SMAD6: variants seen among roughly 807,000 people sequenced by gnomAD.
SMAD6 encodes the protein SMAD family member 6, also known as MAD homolog 6.
A neutral mutation model predicts 39.4 loss-of-function variants in SMAD6; 103 were observed. The ratio of observed to expected loss-of-function variants is 2.62; its 90% confidence interval spans 2.23 to 3.08. The LOEUF (loss-of-function observed/expected upper bound fraction) is 3.08. Among genes scored for constraint, SMAD6 ranks in the 30% most tolerant of loss-of-function variants. SMAD6 has a pLI of 0.00. For missense variants in SMAD6, 1,104 were observed against 742.9 expected, an observed-to-expected ratio of 1.49 and a Z score of -5.65; for synonymous variants, 445 against 353.3, an observed-to-expected ratio of 1.26 and a Z score of -2.91.
intron 1 of SMAD6, chr15:66,705,316 A>G (rs1229431053): frequency 6.8e-6 from 1 of 147,932 alleles, no homozygotes; most frequent in Non-Finnish European, 1.5e-5. Flanking sequence ...ATTCCTGCAT[A>G]GAGGGCATTG....
intron 3 of SMAD6, among the ~76,000 whole-genome samples, chr15:66,743,519 C>T (rs542509861): frequency 7.9e-5 from 12 of 151,982 alleles, no homozygotes; most frequent in Non-Finnish European, 1.3e-4. Flanking sequence ...CTTGTTCATC[C>T]AGCCAGTTAG....
chr15:66,703,806 T>C lies in SMAD6; in HGVS notation c.548T>C (p.Leu183Pro), dbSNP rs1478455479. ...GTCACGTACTCGCTGCTGAAGCGGC[T>C]CAAGGAGCGCTCGCTGGACACGCTG... The part of the protein sequence containing the change: ...KTVTYSLLKR[L>P]KERSLDTLLE... Residue 183 changes from leucine (L) to proline (P), a missense_variant, in exon 1 of 4, where the codon CTC (leucine) becomes CCC (proline). Transcript: ENST00000288840. 7 of 1,434,492 alleles carry C rather than the reference T, an allele frequency of 4.9e-6. No homozygotes were observed. Among genetic ancestry groups the C allele is most frequent in the Non-Finnish European group, 6.5e-6 (7 of 1,083,228 alleles). The allele number at this position is 1,434,492 out of a possible 1,614,324, so 88.9% of individuals were successfully genotyped here. A position where few individuals can be genotyped will look rare whatever the true frequency, so the allele number is the denominator to read the frequency against.
intron 3 of SMAD6, among the ~76,000 whole-genome samples, chr15:66,759,524 C>T (rs573597095): frequency 7.9e-5 from 12 of 152,342 alleles, no homozygotes; most frequent in African/African-American, 2.6e-4. Context: ...GCACTTAGGT[C>T]AGTTCCATAT....
intron 3 of SMAD6, among the ~76,000 whole-genome samples, chr15:66,771,984 C>A (rs191813281): frequency 3.3e-5 from 5 of 152,060 alleles, no homozygotes; most frequent in Admixed American, 2.0e-4. Context: ...AAAAGCCCAC[C>A]GCCCTCCTAG....
At chr15:66,770,127 C>G (rs947819370) in intron 3 of SMAD6, among the ~76,000 whole-genome samples, 3 of 152,160 alleles carry the variant, frequency 2.0e-5, no homozygotes, top group Non-Finnish European at 2.9e-5. Flanking sequence ...TGCGCCCGGC[C>G]GAGAAGGGCT....
At chr15:66,735,088 C>T (rs1201856366) in intron 3 of SMAD6, among the ~76,000 whole-genome samples, 1 of 152,206 alleles carries the variant, frequency 6.6e-6, no homozygotes, top group African/African-American at 2.4e-5. Flanking sequence ...TTTTAGGATA[C>T]AGAGAAACTC....
At chr15:66,729,616 T>G (rs1893588292) in intron 3 of SMAD6, among the ~76,000 whole-genome samples, 1 of 152,160 alleles carries the variant, frequency 6.6e-6, no homozygotes, top group Non-Finnish European at 1.5e-5. Context: ...GCCGGGCCCC[T>G]CTGACAGCGT....
chr15:66,732,498 G>C (rs1167153706), intron 3 of SMAD6, among the ~76,000 whole-genome samples: 2 of 152,184 alleles, frequency 1.3e-5, no homozygotes, highest in Middle Eastern at 3.4e-3. Context: ...CTACAGCTGT[G>C]TCCCACTGTA....
chr15:66,729,814 G>A (rs997589987), intron 3 of SMAD6, among the ~76,000 whole-genome samples: 10 of 152,314 alleles, frequency 6.6e-5, no homozygotes, highest in African/African-American at 2.4e-4. Flanking sequence ...CAGCGACATT[G>A]AAGTCTGGAG....
chr15:66,753,771 A>G (rs910588185), intron 3 of SMAD6, among the ~76,000 whole-genome samples: 3 of 152,140 alleles, frequency 2.0e-5, no homozygotes, highest in Non-Finnish European at 2.9e-5. Context: ...GCCGGACTTC[A>G]TCACTCTTTT....
chr15:66,780,015 C>A (rs1055734096), intron 3 of SMAD6, among the ~76,000 whole-genome samples: 1 of 152,206 alleles, frequency 6.6e-6, no homozygotes, highest in African/African-American at 2.4e-5. Flanking sequence ...GACACACAGA[C>A]GGCCCGAGTC....
chr15:66,757,189 ACAG>A (rs755449603), intron 3 of SMAD6, among the ~76,000 whole-genome samples: 2 of 152,142 alleles, frequency 1.3e-5, no homozygotes, highest in Non-Finnish European at 2.9e-5. Context: ...CACGCAAAAC[ACAG>A]CAGACGTCCA....
chr15:66,729,954 T>C (rs117121821), intron 3 of SMAD6, among the ~76,000 whole-genome samples: 8,067 of 144,974 alleles, frequency 0.056, 308 homozygotes, highest in Middle Eastern at 0.11. Flanking sequence ...GGAAAAACAC[T>C]TGGGCTTAAG....
chr15:66,739,237 C>T (rs1296265897), intron 3 of SMAD6, among the ~76,000 whole-genome samples: 1 of 152,122 alleles, frequency 6.6e-6, no homozygotes, highest in African/African-American at 2.4e-5. Flanking sequence ...ATTACAGGCA[C>T]CTGCCATCAC....
chr15:66,712,316 C>G (rs1007217685), intron 2 of SMAD6, among the ~76,000 whole-genome samples: 9 of 152,178 alleles, frequency 5.9e-5, no homozygotes, highest in Non-Finnish European at 1.3e-4. Context: ...AACTCCCATT[C>G]AGAGGCAGAA....
chr15:66,725,286 T>C (rs1328783967), intron 3 of SMAD6, among the ~76,000 whole-genome samples: 1 of 152,050 alleles, frequency 6.6e-6, no homozygotes, highest in Non-Finnish European at 1.5e-5. Context: ...CGTTTCCCCA[T>C]GCCCCCCAGT....
intron 3 of SMAD6, among the ~76,000 whole-genome samples, chr15:66,766,521 C>T (rs1032758732): frequency 4.6e-5 from 7 of 151,086 alleles, no homozygotes; most frequent in Non-Finnish European, 8.9e-5. Flanking sequence ...AGATGGGATA[C>T]GTGGACATAG....
At chr15:66,706,940 T>C (rs762885322) in intron 1 of SMAD6, 2 of 152,258 alleles carry the variant, frequency 1.3e-5, no homozygotes, top group Non-Finnish European at 2.9e-5. Context: ...TGAGGGCTGA[T>C]GTGCAGATTC....
chr15:66,774,278 T>C (rs957102561), intron 3 of SMAD6, among the ~76,000 whole-genome samples: 1 of 152,192 alleles, frequency 6.6e-6, no homozygotes, highest in Non-Finnish European at 1.5e-5. Context: ...GAACTGCTGA[T>C]TCGAAGAAGC....
Sources: allele counts gnomAD v4.1 joint callset (sites outside exome capture counted in the v4.1 genomes callset), GRCh38; gene constraint gnomAD v4.1.1; transcripts MANE v1.5; gene names NCBI Gene and HGNC (gene_info 2026-07-23, HGNC 2026-07-21).